Variants in KRABD4 observed in about 807,000 individuals in gnomAD.
KRABD4 encodes KRAB domain-containing protein 4.
At chrX:46,468,537 C>G in the KRABD4 span, among the ~76,000 whole-genome samples, 2 of 109,305 alleles carry the variant, frequency 1.8e-5, no homozygotes, top group East Asian at 5.6e-4. Context: ...GAGCAAGACT[C>G]TGTCTCAAAA....
At chrX:46,448,051 G>A in the KRABD4 span, 1 of 111,873 alleles carries the variant, frequency 8.9e-6, no homozygotes, top group Non-Finnish European at 1.9e-5. Context: ...GAGGATAATT[G>A]AGCTGTGAAT....
the KRABD4 span, chrX:46,455,746 T>C: frequency 2.6e-6 from 1 of 384,526 alleles, no homozygotes. Flanking sequence ...TGTTGAGTTT[T>C]GGATAAACAC....
chrX:46,459,801 C>G, the KRABD4 span, among the ~76,000 whole-genome samples: 6 of 111,932 alleles, frequency 5.4e-5, no homozygotes, highest in African/African-American at 1.6e-4. Flanking sequence ...TGTCTCCTCT[C>G]ACTTGACACA....
At chrX:46,456,716 C>T in the KRABD4 span, 1 of 281,088 alleles carries the variant, frequency 3.6e-6, no homozygotes, top group Non-Finnish European at 6.6e-6. Context: ...TAGGGGTTGC[C>T]AGGGAGCAAA....
the KRABD4 span, among the ~76,000 whole-genome samples, chrX:46,462,022 C>T: frequency 2.7e-5 from 3 of 111,785 alleles, no homozygotes; most frequent in African/African-American, 3.3e-5. Context: ...GGTTTTGTAT[C>T]AATCTTTACT....
At chrX:46,461,463 C>T in the KRABD4 span, among the ~76,000 whole-genome samples, 1 of 111,626 alleles carries the variant, frequency 9.0e-6, no homozygotes, top group Non-Finnish European at 1.9e-5. Context: ...GCCTGCCTGT[C>T]CCCACCCTCT....
the KRABD4 span, chrX:46,471,150 A>G: frequency 1.7e-6 from 2 of 1,162,540 alleles, no homozygotes; most frequent in African/African-American, 1.8e-5. Flanking sequence ...AGATGTATCC[A>G]TTTTTGCCTC....
At chrX:46,462,539 T>C in the KRABD4 span, 1 of 540,898 alleles carries the variant, frequency 1.8e-6, no homozygotes, top group Non-Finnish European at 2.9e-6. Context: ...AAGGCCATTG[T>C]GGGTGTGGGA....
At chrX:46,454,979 G>A in the KRABD4 span, 19 of 274,655 alleles carry the variant, frequency 6.9e-5, no homozygotes, top group Middle Eastern at 1.1e-3. Flanking sequence ...CCCTGCTCTA[G>A]AGAGTCTTCA....
the KRABD4 span, among the ~76,000 whole-genome samples, chrX:46,466,008 T>C: frequency 8.9e-6 from 1 of 111,817 alleles, no homozygotes; most frequent in Non-Finnish European, 1.9e-5. Flanking sequence ...TTTTTCCCTC[T>C]GTCTCCTGGA....
chrX:46,453,248 A>G, the KRABD4 span, among the ~76,000 whole-genome samples: 3 of 112,130 alleles, frequency 2.7e-5, no homozygotes, highest in East Asian at 8.3e-4. Context: ...GAGATTATAA[A>G]AATGGCATTT....
At chrX:46,458,040 C>T in the KRABD4 span, among the ~76,000 whole-genome samples, 1 of 111,369 alleles carries the variant, frequency 9.0e-6, no homozygotes, top group Non-Finnish European at 1.9e-5. Context: ...CCGCACCTGG[C>T]CCCGACGTTA....
the KRABD4 span, among the ~76,000 whole-genome samples, chrX:46,457,626 T>G: frequency 1.5e-3 from 164 of 107,260 alleles, 3 homozygotes; most frequent in South Asian, 0.031. Context: ...TTTCAGAGTT[T>G]TTTTTTTTTT....
At chrX:46,457,090 GT>G in the KRABD4 span, 7 of 383,819 alleles carry the variant, frequency 1.8e-5, no homozygotes, top group East Asian at 5.3e-5. Flanking sequence ...GCATTTTTCT[GT>G]TTTTGGTGAC....
the KRABD4 span, among the ~76,000 whole-genome samples, chrX:46,447,562 G>A: frequency 9.2e-6 from 1 of 108,248 alleles, no homozygotes; most frequent in Middle Eastern, 4.7e-3. Context: ...CCTGAGACCC[G>A]CAGGCCTGTG....
the KRABD4 span, among the ~76,000 whole-genome samples, chrX:46,452,592 T>C: frequency 2.7e-5 from 3 of 112,378 alleles, no homozygotes; most frequent in Non-Finnish European, 3.8e-5. Context: ...GCAATACCAC[T>C]ATTTATTTAC....
the KRABD4 span, among the ~76,000 whole-genome samples, chrX:46,449,116 A>G: frequency 8.9e-6 from 1 of 112,482 alleles, no homozygotes; most frequent in Admixed American, 9.4e-5. Context: ...CCTTGCTGGA[A>G]CTTTATTTGA....
At chrX:46,472,161 G>A in the KRABD4 span, 1 of 112,222 alleles carries the variant, frequency 8.9e-6, no homozygotes, top group Non-Finnish European at 1.9e-5. Flanking sequence ...TATCAACTTC[G>A]GGGGTTTTGT....
At chrX:46,455,466 G>C in the KRABD4 span, 1 of 428,091 alleles carries the variant, frequency 2.3e-6, no homozygotes, top group East Asian at 4.2e-5. Flanking sequence ...CCTCAGGCTT[G>C]CCTTTTTTAA....
Sources: gnomAD v4.1 joint callset for allele counts (sites outside exome capture counted in the v4.1 genomes callset) on GRCh38, gnomAD v4.1.1 for gene constraint, MANE v1.5 for transcripts, NCBI Gene and HGNC (gene_info 2026-07-23, HGNC 2026-07-21) for gene names.